Variants in LUZP1 observed in about 807,000 individuals in gnomAD.
LUZP1 encodes the protein leucine zipper protein 1, also known as filamin mechanobinding actin cross-linking protein.
Under a neutral mutation model 71.3 loss-of-function variants are expected in LUZP1, and 25 were observed. That is an observed-to-expected ratio of 0.35 (90% CI 0.26 to 0.49). The LOEUF is 0.49. LUZP1 is among the 20% of genes least tolerant of loss of function. LUZP1 has a pLI of 0.99. For synonymous variants in LUZP1, 481 were observed against 506.4 expected (o/e 0.95, Z 0.67); for missense variants, 1,142 against 1,300.8 (o/e 0.88, Z 1.88).
At position 23,093,703 on chromosome 1, in the gene LUZP1, T is replaced by C; in HGVS notation, c.559A>G (p.Lys187Glu). 1 of 1,613,748 alleles carries C rather than the reference T, an allele frequency of 6.2e-7. No individual in the cohort carries two copies. Among genetic ancestry groups the C allele is most frequent in the Non-Finnish European group, 8.5e-7 (1 of 1,180,008 alleles). Residue 187 changes from lysine to glutamate, a missense_variant, in exon 4 of 5, where the codon AAA becomes GAA. By Grantham distance (56) the Lys-to-Glu change is moderately conservative. Coordinates refer to ENST00000302291, the Ensembl canonical transcript of LUZP1. The surrounding 1 kb of genome is among the most constrained non-coding windows in gnomAD (Gnocchi z 4.2). ...CTTACAAAGCTCAGAGTTAATGATT[T>C]CAGCTTTTCTAACTCTGACGCTAAA...
chr1:23,158,693 A>G (rs1489510831), intron 2 of LUZP1, among the ~76,000 whole-genome samples: 3 of 143,946 alleles, frequency 2.1e-5, no homozygotes, highest in Non-Finnish European at 4.5e-5. Context: ...GGGTCCAGGC[A>G]TGGTGGCTCA....
At chr1:23,169,217 G>A (rs1306385673) in intron 1 of LUZP1, among the ~76,000 whole-genome samples, 5 of 151,990 alleles carry the variant, frequency 3.3e-5, no homozygotes, top group Non-Finnish European at 7.4e-5. Flanking sequence ...AAATTAGCCG[G>A]GAGTGGTGGC....
chr1:23,098,110 G>A (rs890694379), intron 3 of LUZP1, among the ~76,000 whole-genome samples: 10 of 152,284 alleles, frequency 6.6e-5, no homozygotes, highest in Admixed American at 6.5e-5. Flanking sequence ...TTGTTCAGCT[G>A]GCTGAACAGA....
chr1:23,171,613 G>A (rs1026195658), intron 1 of LUZP1, among the ~76,000 whole-genome samples: 2 of 152,222 alleles, frequency 1.3e-5, no homozygotes, highest in African/African-American at 4.8e-5. Flanking sequence ...TTGGGGTTCT[G>A]ATTAATTTCC....
intron 2 of LUZP1, among the ~76,000 whole-genome samples, chr1:23,134,498 GCCAGGTGTGGTGACTTA>G (rs1004886908): frequency 2.6e-5 from 4 of 151,828 alleles, no homozygotes; most frequent in African/African-American, 9.7e-5. Flanking sequence ...AATAAACAAG[GCCAGGTGTGGTGACTTA>G]CCCCTGAAAT....
At chr1:23,114,053 G>T (rs1457189328) in intron 2 of LUZP1, among the ~76,000 whole-genome samples, 1 of 152,090 alleles carries the variant, frequency 6.6e-6, no homozygotes, top group Non-Finnish European at 1.5e-5. Context: ...ACAGAGGAAA[G>T]AGTCAGTGAA....
Position 23,093,257 on chromosome 1 carries a change from T to C in LUZP1, c.1005A>G (p.Leu335=), listed in dbSNP as rs781447178. The C allele has an allele frequency of 1.2e-6, 2 of 1,612,962 alleles. No homozygotes were observed. The highest frequency in any genetic ancestry group is 1.7e-6 in the Non-Finnish European group (2 of 1,179,730). Residue 335 remains leucine, a synonymous_variant, in exon 4 of 5, where the codon TTA becomes TTG. Transcript: ENST00000302291. The surrounding 1 kb of genome is among the most constrained non-coding windows in gnomAD (Gnocchi z 4.2). ...TTATCTCCTCCAGTTGGCTGGCTAA[T>C]AATTTGTTTTTATTTTGTTCACTTA...
chr1:23,099,833 G>T (rs182627460), intron 3 of LUZP1, among the ~76,000 whole-genome samples: 1 of 152,242 alleles, frequency 6.6e-6, no homozygotes, highest in East Asian at 1.9e-4. Flanking sequence ...AAAGGTCCTG[G>T]CTACTATTAG....
At chr1:23,176,893 T>C (rs1569732740) in intron 1 of LUZP1, among the ~76,000 whole-genome samples, 2 of 143,336 alleles carry the variant, frequency 1.4e-5, no homozygotes, top group African/African-American at 5.2e-5. Context: ...TTGTTTTTTG[T>C]TTTTTGAGAC....
chr1:23,117,388 G>A (rs1034185537), intron 2 of LUZP1, among the ~76,000 whole-genome samples: 4 of 138,348 alleles, frequency 2.9e-5, no homozygotes, highest in African/African-American at 1.1e-4. Context: ...ATGCCTGAAC[G>A]AAAATATACC....
intron 2 of LUZP1, among the ~76,000 whole-genome samples, chr1:23,167,774 T>C (rs918152055): frequency 7.9e-5 from 12 of 151,794 alleles, no homozygotes; most frequent in African/African-American, 2.9e-4. Flanking sequence ...GCGCGGCCGC[T>C]GCGGGTCGCC....
intron 2 of LUZP1, among the ~76,000 whole-genome samples, chr1:23,154,726 T>TGG: frequency 6.7e-6 from 1 of 150,348 alleles, no homozygotes; most frequent in East Asian, 1.9e-4. Context: ...TTTTTTTTTT[T>TGG]TGTATTTTTA....
At chr1:23,108,773 G>A (rs1275062764) in intron 3 of LUZP1, among the ~76,000 whole-genome samples, 1 of 152,224 alleles carries the variant, frequency 6.6e-6, no homozygotes, top group Non-Finnish European at 1.5e-5. Flanking sequence ...GCCCGACATA[G>A]AGTAAATATT....
chr1:23,084,738 C>CG (rs1019131208), exon 5 of LUZP1: 15 of 151,754 alleles, frequency 9.9e-5, no homozygotes, highest in African/African-American at 1.7e-4. Flanking sequence ...CTTTTCCCCC[C>CG]CTAGTCTTAG....
intron 2 of LUZP1, among the ~76,000 whole-genome samples, chr1:23,136,661 C>A (rs1398093185): frequency 1.3e-5 from 2 of 152,186 alleles, no homozygotes; most frequent in Non-Finnish European, 2.9e-5. Flanking sequence ...GTAATCCCAG[C>A]ACTTTGGGAG....
At chr1:23,128,423 T>C (rs1644189393) in intron 2 of LUZP1, among the ~76,000 whole-genome samples, 1 of 152,194 alleles carries the variant, frequency 6.6e-6, no homozygotes, top group South Asian at 2.1e-4. Flanking sequence ...CTAACAATCA[T>C]GCTCTAAAGT....
chr1:23,092,797 T>G, exon 4 of LUZP1: 2 of 1,613,802 alleles, frequency 1.2e-6, no homozygotes, highest in Non-Finnish European at 1.7e-6. Context: ...GAAGTCCCCT[T>G]CCACGCTTTA....
intron 2 of LUZP1, among the ~76,000 whole-genome samples, chr1:23,138,765 G>T (rs1424395999): frequency 6.7e-6 from 1 of 150,016 alleles, no homozygotes; most frequent in Non-Finnish European, 1.5e-5. Flanking sequence ...CACTTTGGGA[G>T]ACTGAGTTCA....
intron 3 of LUZP1, among the ~76,000 whole-genome samples, chr1:23,106,254 A>G (rs1173299292): frequency 6.6e-6 from 1 of 152,176 alleles, no homozygotes; most frequent in Non-Finnish European, 1.5e-5. Context: ...ATCACTGTCA[A>G]GTTTCCAATG....
Sources: allele counts gnomAD v4.1 joint callset (sites outside exome capture counted in the v4.1 genomes callset), GRCh38; gene constraint gnomAD v4.1.1; non-coding constraint Gnocchi (gnomAD v3.1); transcripts MANE v1.5; gene names NCBI Gene and HGNC (gene_info 2026-07-23, HGNC 2026-07-21).